The following DTL variants were observed in gnomAD, a reference collection of about 807,000 sequenced individuals.
DTL encodes denticleless E3 ubiquitin protein ligase adapter, also known as denticleless protein homolog.
In DTL, 46 loss-of-function variants were observed where a neutral mutation model predicts 87.0. That is an observed-to-expected ratio of 0.53 (90% CI 0.42 to 0.68). The LOEUF is 0.68. Among genes scored for constraint, DTL ranks in the 30% least tolerant of loss-of-function variants. DTL has a pLI of 0.00. For missense variants in DTL, 737 were observed against 869.4 expected (o/e 0.85, Z 1.91); for synonymous variants, 308 against 311.2 (o/e 0.99, Z 0.11).
At chr1:212,068,855 G>C (rs192658309) in intron 10 of DTL, 152 bp downstream of exon 10, 9 of 550,096 alleles carry the variant, frequency 1.6e-5, no homozygotes, top group Admixed American at 3.5e-5. Context: ...AATTTCATAA[G>C]TGTACATTCC....
In DTL at chr1:212,047,403, C is replaced by G. The variant is rs780901822; in HGVS notation, c.446C>G (p.Ser149Cys). 3.7e-6 allele frequency: 6 copies of G among 1,614,212 alleles called. No individual in the cohort carries two copies. The highest frequency in any genetic ancestry group is 5.1e-6 in the Non-Finnish European group (6 of 1,180,032). The change falls in exon 5 of 15, where the codon TCT (serine) becomes TGT (cysteine). Residue 149 changes from serine to cysteine, a missense_variant. Coordinates refer to ENST00000366991, the MANE Select transcript of DTL (RefSeq NM_016448.4). Reference protein sequence around the residue: ...HQCSLKSVAFSKFEKAVFCTG... With the variant: ...HQCSLKSVAFCKFEKAVFCTG... Reference sequence around the variant, plus strand: ...TGCAGCCTCAAGTCAGTTGCCTTTTCTAAGTTTGAGAAAGGTAGGTTTGTG... The same window carrying G: ...TGCAGCCTCAAGTCAGTTGCCTTTTGTAAGTTTGAGAAAGGTAGGTTTGTG...
chr1:212,053,648 C>T (rs924535146), intron 5 of DTL, among the ~76,000 whole-genome samples: 23 of 151,956 alleles, frequency 1.5e-4, no homozygotes, highest in African/African-American at 5.6e-4. Context: ...AGTGCAGTGG[C>T]GAAATCTGCT....
At chr1:212,036,025 T>A (rs1667441408) in intron 1 of DTL, 83 bp downstream of exon 1, 4 of 1,333,932 alleles carry the variant, frequency 3.0e-6, no homozygotes, top group East Asian at 2.4e-5. Flanking sequence ...CAGGGCCGAC[T>A]CCAATTCTGA....
intron 13 of DTL, among the ~76,000 whole-genome samples, chr1:212,094,740 T>C (rs1215794823): frequency 6.6e-6 from 1 of 152,158 alleles, no homozygotes; most frequent in East Asian, 1.9e-4. Context: ...TGAGCGTAGG[T>C]TGTGTTTTTC....
chr1:212,073,508 G>A lies in DTL; in HGVS notation c.1035+1295G>A, dbSNP rs77040070. Reference sequence around the variant, plus strand: ...AAAGTAATATTGCTAATTTTTTTTAGGACAGGGGTAAAACCTGTTTAGTAT... The same window carrying A: ...AAAGTAATATTGCTAATTTTTTTTAAGACAGGGGTAAAACCTGTTTAGTAT... On this transcript the variant is annotated intron_variant, in intron 11 of 14. Coordinates refer to ENST00000366991, the MANE Select transcript of DTL (RefSeq NM_016448.4). Among the ~76,000 whole-genome samples the A allele has an allele frequency of 3.1e-3, 479 of 152,156 alleles. 4 individuals are homozygous for A. The highest frequency in any genetic ancestry group is 0.011 in the African/African-American group (456 of 41,522).
intron 13 of DTL, among the ~76,000 whole-genome samples, chr1:212,089,698 C>T (rs1571978701): frequency 6.6e-6 from 1 of 152,146 alleles, no homozygotes; most frequent in African/African-American, 2.4e-5. Flanking sequence ...TTCTTTGACC[C>T]CCATGGACCA....
intron 13 of DTL, among the ~76,000 whole-genome samples, chr1:212,098,482 T>G (rs1655514348): frequency 6.6e-6 from 1 of 152,024 alleles, no homozygotes; most frequent in African/African-American, 2.4e-5. Flanking sequence ...CCCACGAGTT[T>G]TTGTCTTTTG....
rs951593869 is a variant in DTL, at chr1:212,043,174, A to G, written c.178+56A>G. On this transcript the variant is annotated intron_variant, in intron 2 of 14. Transcript: ENST00000366991. The stretch of plus-strand genomic sequence containing the variant: ...GACAGAAATGATCTATTTCACACTT[A>G]TAGGGAAAATATACTAGAGTATTTC... 118 of 1,525,282 alleles carry G rather than the reference A, an allele frequency of 7.7e-5. No homozygotes were observed. In the South Asian group the frequency reaches 1.2e-3, roughly 16 times the overall value. 94.5% of individuals were successfully genotyped at this position (1,525,282 alleles called of 1,614,324 possible).
chr1:212,035,781 G>C lies in DTL; in HGVS notation c.-110G>C. The C allele has an allele frequency of 9.7e-7, 1 of 1,033,758 alleles. No homozygotes were observed. The highest frequency in any genetic ancestry group is 1.4e-6 in the Non-Finnish European group (1 of 691,246). The allele number at this position is 1,033,758 out of a possible 1,614,324, so 64.0% of individuals were successfully genotyped here. A position where few individuals can be genotyped will look rare whatever the true frequency, so the allele number is the denominator to read the frequency against. On this transcript the variant is annotated 5_prime_UTR_variant, in exon 1 of 15. Transcript: ENST00000366991. ...GCGGCCGGGGCTTACAGTGGCGGGA[G>C]TTGGAGGCGATAACGATTTGTGTTG...
chr1:212,055,384 A>G (rs1428715619), intron 5 of DTL, among the ~76,000 whole-genome samples: 1 of 152,126 alleles, frequency 6.6e-6, no homozygotes, highest in East Asian at 1.9e-4. Context: ...CTCCAGAGAG[A>G]TATCATACTG....
chr1:212,051,966 A>G, intron 5 of DTL: 2 of 881,786 alleles, frequency 2.3e-6, no homozygotes, highest in Middle Eastern at 2.9e-4. Context: ...CCTAGAGAAC[A>G]TATATCGGGT....
At chr1:212,072,323 C>T in intron 11 of DTL, 110 bp downstream of exon 11, 1 of 797,040 alleles carries the variant, frequency 1.3e-6, no homozygotes, top group Non-Finnish European at 2.1e-6. Context: ...ACTATTCCTG[C>T]ATCAGATATT....
At chr1:212,074,717 T>G (rs777594146) in intron 11 of DTL, among the ~76,000 whole-genome samples, 1 of 152,148 alleles carries the variant, frequency 6.6e-6, no homozygotes, top group Non-Finnish European at 1.5e-5. Context: ...GGCTGTTAGA[T>G]TGCTCTTCTA....
Position 212,065,019 on chromosome 1 carries a change from C to A in DTL, c.629C>A (p.Ala210Asp). ...PKKKQNSKGL[A>D]PSVDFQQSVT... ...AAGAAACAGAATTCAAAAGGACTTG[C>A]TCCTTCTGTGGTAAGGTTTTACAGA... Residue 210 changes from alanine to aspartate, a missense_variant, in exon 7 of 15, where the codon GCT becomes GAT. By Grantham distance (126) the Ala-to-Asp change is moderately radical. Coordinates refer to ENST00000366991, the MANE Select transcript of DTL (RefSeq NM_016448.4). 4 of 1,611,758 alleles carry A rather than the reference C, an allele frequency of 2.5e-6. No individual in the cohort carries two copies. The highest frequency in any genetic ancestry group is 3.4e-6 in the Non-Finnish European group (4 of 1,177,892).
In DTL at chr1:212,078,346, T is replaced by C. The variant is rs916004087; in HGVS notation, c.1125+84T>C. 7.0e-6 allele frequency: 6 copies of C among 856,210 alleles called. No homozygotes were observed. The African/African-American group carries it at 1.0e-4, about 15-fold the overall frequency. 53.0% of individuals were successfully genotyped at this position (856,210 alleles called of 1,614,324 possible). A position where few individuals can be genotyped will look rare whatever the true frequency, so the allele number is the denominator to read the frequency against. ...TCTAAGGTTTGTTTTGAGAATGATA[T>C]AAATTTTTATGTTTAAGTTGAGATT... On this transcript the variant is annotated intron_variant, in intron 12 of 14. Transcript: ENST00000366991.
chr1:212,061,864 G>C (rs539977269), intron 5 of DTL, among the ~76,000 whole-genome samples: 1 of 152,190 alleles, frequency 6.6e-6, no homozygotes, highest in South Asian at 2.1e-4. Context: ...GAGTGGGTGT[G>C]AGGGGGGAAT....
At chr1:212,086,088 C>T (rs760094866) in intron 13 of DTL, among the ~76,000 whole-genome samples, 10 of 152,110 alleles carry the variant, frequency 6.6e-5, no homozygotes, top group East Asian at 1.9e-4. Context: ...AAGATTGTCT[C>T]GACTGTTCTG....
chr1:212,056,304 A>G (rs1463455110), intron 5 of DTL, among the ~76,000 whole-genome samples: 2 of 152,204 alleles, frequency 1.3e-5, no homozygotes, highest in African/African-American at 2.4e-5. Context: ...AGACTGGCCC[A>G]CCTGGTATTT....
chr1:212,047,796 A>G (rs1667850975), intron 5 of DTL, among the ~76,000 whole-genome samples: 1 of 152,240 alleles, frequency 6.6e-6, no homozygotes, highest in Non-Finnish European at 1.5e-5. Context: ...TCAGCCTCCC[A>G]AAGTGCTAGG....
Sources: allele counts gnomAD v4.1 joint callset (sites outside exome capture counted in the v4.1 genomes callset), GRCh38; gene constraint gnomAD v4.1.1; transcripts MANE v1.5; gene names NCBI Gene and HGNC (gene_info 2026-07-23, HGNC 2026-07-21).